Variants in SLC24A4 observed in about 807,000 individuals in gnomAD.
The protein encoded by SLC24A4 is sodium/potassium/calcium exchanger 4.
Under a neutral mutation model 79.0 loss-of-function variants are expected in SLC24A4, and 53 were observed. The observed-to-expected ratio is 0.67, with a 90% CI of 0.54 to 0.84. The LOEUF (loss-of-function observed/expected upper bound fraction) is 0.84, where lower values mean the gene tolerates loss of function less well. Ranked by LOEUF, SLC24A4 falls within the 40% of genes least tolerant of loss-of-function variation. The probability of loss-of-function intolerance (pLI) is 0.00; values close to 1 mark genes in which losing one functional copy is unlikely to be tolerated. For synonymous variants in SLC24A4, 323 were observed against 323.8 expected (o/e 1.00, Z 0.03); for missense variants, 731 against 822.0 (o/e 0.89, Z 1.35).
chr14:92,393,121 C>T (rs1246405357), intron 2 of SLC24A4, among the ~76,000 whole-genome samples: 1 of 152,276 alleles, frequency 6.6e-6, no homozygotes, highest in Non-Finnish European at 1.5e-5. Flanking sequence ...ATGAGGAATA[C>T]ACTCTCACCA....
At position 92,353,144 on chromosome 14, in the gene SLC24A4, A is replaced by G. The variant is rs913198393; in HGVS notation, c.241+27166A>G. The stretch of plus-strand genomic sequence containing the variant: ...CAACCCTTTAGCAGTTTGTGCATGC[A>G]TAGAATATGGGCCTATGTGATGGCT... On this transcript the variant is annotated intron_variant, in intron 2 of 16. Transcript: ENST00000532405. The surrounding 1 kb of genome is among the most constrained non-coding windows in gnomAD (Gnocchi z 4.1). 4.6e-5 allele frequency among the ~76,000 whole-genome samples: 7 copies of G among 152,330 alleles called. No individual in the cohort carries two copies. The highest frequency in any genetic ancestry group is 1.4e-4 in the African/African-American group (6 of 41,580).
chr14:92,448,380 A>ACACACACAC (rs60919801), intron 9 of SLC24A4, among the ~76,000 whole-genome samples: 36 of 150,292 alleles, frequency 2.4e-4, no homozygotes, highest in South Asian at 8.4e-4. Context: ...ACACACACAC[A>ACACACACAC]AATCCCTACT....
chr14:92,482,364 C>A (rs1252517440), intron 12 of SLC24A4, among the ~76,000 whole-genome samples: 1 of 152,218 alleles, frequency 6.6e-6, no homozygotes, highest in African/African-American at 2.4e-5. Context: ...GTCTTCAAAG[C>A]CCAACCATAA....
intron 2 of SLC24A4, among the ~76,000 whole-genome samples, chr14:92,363,455 CCATGTTAA>C (rs1405514044): frequency 6.6e-6 from 1 of 152,244 alleles, no homozygotes; most frequent in South Asian, 2.1e-4. Context: ...CGATTTCACA[CCATGTTAA>C]CAGTCCAGGT....
In SLC24A4 at chr14:92,323,590, T is replaced by TGGTGCGCGCAGCGCGCACGC. The variant is rs1884921894; in HGVS notation, c.-238_-219dup. ...GCGTCGCCTCCTCGCCACGGAGCCA[T>TGGTGCGCGCAGCGCGCACGC]GGTGCGCGCAGCGCGCACGCGGCGC... On this transcript the variant is annotated 5_prime_UTR_variant, in exon 1 of 17. The change abolishes the stop of an existing upstream ORF in the 5' untranslated region. Coordinates refer to ENST00000532405, the MANE Select transcript of SLC24A4 (RefSeq NM_153646.4). The surrounding 1 kb of genome is among the most constrained non-coding windows in gnomAD (Gnocchi z 4.9). The TGGTGCGCGCAGCGCGCACGC allele has an allele frequency of 2.8e-6, 1 of 356,200 alleles. No homozygotes were observed. The highest frequency in any genetic ancestry group is 8.4e-5 in the South Asian group (1 of 11,856). 22.1% of individuals were successfully genotyped at this position (356,200 alleles called of 1,614,324 possible). A position where few individuals can be genotyped will look rare whatever the true frequency, so the allele number is the denominator to read the frequency against.
intron 2 of SLC24A4, among the ~76,000 whole-genome samples, chr14:92,326,948 G>A (rs1885177865): frequency 6.6e-6 from 1 of 152,130 alleles, no homozygotes; most frequent in Admixed American, 6.5e-5. Flanking sequence ...AAAAGGAGAC[G>A]GAGCTCCAGG....
At position 92,491,720 on chromosome 14, in the gene SLC24A4, G is replaced by A. The variant is rs781424129; in HGVS notation, c.1593G>A (p.Leu531=). 2 of 1,613,954 alleles carry A rather than the reference G, an allele frequency of 1.2e-6. No individual in the cohort carries two copies. Among genetic ancestry groups the A allele is most frequent in the Non-Finnish European group, 1.7e-6 (2 of 1,179,874 alleles). Residue 531 remains leucine, a synonymous_variant, in exon 15 of 17, where the codon CTG becomes CTA. Coordinates refer to ENST00000532405, the MANE Select transcript of SLC24A4 (RefSeq NM_153646.4). The part of the protein sequence containing the change: ...NTIGSNVFDI[L]VGLGVPWGLQ... ...TAGGAAGCAACGTGTTTGACATCCT[G>A]GTAGGACTTGGTGTACCGTGGGGCC...
intron 2 of SLC24A4, among the ~76,000 whole-genome samples, chr14:92,374,608 C>T (rs1228422694): frequency 1.3e-5 from 2 of 152,230 alleles, no homozygotes; most frequent in Non-Finnish European, 2.9e-5. Flanking sequence ...ACCACTCCCA[C>T]TCCACGTTCC....
At chr14:92,474,843 G>GTGTGTGTGTGTATATA (rs779007741) in intron 12 of SLC24A4, among the ~76,000 whole-genome samples, 7 of 23,884 alleles carry the variant, frequency 2.9e-4, no homozygotes, top group African/African-American at 6.8e-4. Context: ...GTGTGTGTGT[G>GTGTGTGTGTGTATATA]TATATATATA....
intron 1 of SLC24A4, 66 bp downstream of exon 1, chr14:92,324,026 G>A (rs1226225282): frequency 3.2e-6 from 5 of 1,554,862 alleles, no homozygotes; most frequent in Non-Finnish European, 3.5e-6. Context: ...GTCTCGGGGC[G>A]GCTGCGAGAT....
chr14:92,386,121 G>A (rs1161571692), intron 2 of SLC24A4, among the ~76,000 whole-genome samples: 1 of 152,058 alleles, frequency 6.6e-6, no homozygotes, highest in East Asian at 1.9e-4. Flanking sequence ...CCCATTCTTA[G>A]GAGTTTATTG....
intron 2 of SLC24A4, among the ~76,000 whole-genome samples, chr14:92,358,773 C>G (rs1170567280): frequency 6.6e-6 from 1 of 151,312 alleles, no homozygotes; most frequent in East Asian, 1.9e-4. Context: ...CAACGTCTGC[C>G]TCCCAGGTTC....
At chr14:92,365,823 G>C (rs1887805300) in intron 2 of SLC24A4, among the ~76,000 whole-genome samples, 1 of 152,220 alleles carries the variant, frequency 6.6e-6, no homozygotes, top group African/African-American at 2.4e-5. Flanking sequence ...GAGAGTGAGA[G>C]AGTAATGTAG....
chr14:92,438,394 A>G (rs1783954204), intron 3 of SLC24A4, among the ~76,000 whole-genome samples: 1 of 152,138 alleles, frequency 6.6e-6, no homozygotes, highest in African/African-American at 2.4e-5. Flanking sequence ...ACTTGAGTCC[A>G]GGAGTTCAAA....
chr14:92,448,079 A>G (rs942552272), intron 9 of SLC24A4, among the ~76,000 whole-genome samples: 2 of 152,136 alleles, frequency 1.3e-5, no homozygotes, highest in Non-Finnish European at 2.9e-5. Flanking sequence ...AAGGACAACT[A>G]TTGTCTGATT....
intron 2 of SLC24A4, among the ~76,000 whole-genome samples, chr14:92,416,067 A>G (rs1012987009): frequency 6.6e-6 from 1 of 152,094 alleles, no homozygotes; most frequent in African/African-American, 2.4e-5. Context: ...GTGGAGATGT[A>G]GAGACATCCC....
chr14:92,397,942 G>C (rs185556164), intron 2 of SLC24A4, among the ~76,000 whole-genome samples: 55 of 152,254 alleles, frequency 3.6e-4, no homozygotes, highest in African/African-American at 1.2e-3. Flanking sequence ...ACATGGGTCC[G>C]CAGGAGCCTA....
chr14:92,415,614 C>T (rs989656287), intron 2 of SLC24A4, among the ~76,000 whole-genome samples: 1 of 152,000 alleles, frequency 6.6e-6, no homozygotes, highest in Non-Finnish European at 1.5e-5. Flanking sequence ...CCCACAACCA[C>T]ATCCAGCTAA....
At chr14:92,442,659 G>T in intron 5 of SLC24A4, 54 bp from the exon 6 acceptor site, 1 of 1,277,448 alleles carries the variant, frequency 7.8e-7, no homozygotes, top group South Asian at 1.2e-5. Context: ...ACTGAGGAAG[G>T]GGCAGGCTGG....
Sources: gnomAD v4.1 joint callset for allele counts (sites outside exome capture counted in the v4.1 genomes callset) on GRCh38, gnomAD v4.1.1 for gene constraint, Gnocchi (gnomAD v3.1) non-coding constraint, MANE v1.5 for transcripts, NCBI Gene and HGNC (gene_info 2026-07-23, HGNC 2026-07-21) for gene names.